The following RBFOX1 variants were observed in gnomAD, a reference collection of about 807,000 sequenced individuals.
The protein encoded by RBFOX1 is RNA binding fox-1 homolog 1.
Under a neutral mutation model 57.7 loss-of-function variants are expected in RBFOX1, and 8 were observed. The observed-to-expected ratio is 0.14, with a 90% CI of 0.08 to 0.25. The LOEUF is 0.25. Among genes scored for constraint, RBFOX1 ranks in the 10% least tolerant of loss-of-function variants. The pLI is 1.00. For missense variants in RBFOX1, 611 were observed against 548.5 expected, an observed-to-expected ratio of 1.11 and a Z score of -1.14; for synonymous variants, 326 against 222.4, an observed-to-expected ratio of 1.47 and a Z score of -4.15.
At chr16:6,785,757 C>T (rs1290287692) in intron 3 of RBFOX1, among the ~76,000 whole-genome samples, 1 of 152,164 alleles carries the variant, frequency 6.6e-6, no homozygotes, top group Non-Finnish European at 1.5e-5. Flanking sequence ...TTGTTATCAT[C>T]ATTTTCCAGA....
rs191388392 is a variant in RBFOX1 at position 5,315,589 on chromosome 16, C to G, written c.219+75484C>G. On this transcript the variant is annotated intron_variant, in intron 1 of 2. Transcript: ENST00000585867. ...GCAAAGAGGCAGGGGACAAGAATCA[C>G]AATTATGCCTGATGTTTGTGTAGCA... Among the ~76,000 whole-genome samples the G allele has an allele frequency of 5.6e-4, 85 of 152,294 alleles. 1 individual carries two copies. In the East Asian group the frequency reaches 0.014, roughly 25 times the overall value.
At chr16:6,373,642 TGG>T (rs1441235359) in intron 2 of RBFOX1, among the ~76,000 whole-genome samples, 1 of 151,986 alleles carries the variant, frequency 6.6e-6, no homozygotes, top group Non-Finnish European at 1.5e-5. Context: ...GATGATTGGG[TGG>T]AATGGAGATT....
intron 14 of RBFOX1, chr16:7,693,169 C>T: frequency 1.6e-6 from 1 of 642,184 alleles, no homozygotes; most frequent in Non-Finnish European, 2.8e-6. Context: ...TCTTTCTAAA[C>T]TCTGAGGTAC....
At chr16:7,544,398 A>C (rs1019095978) in intron 5 of RBFOX1, among the ~76,000 whole-genome samples, 3 of 152,196 alleles carry the variant, frequency 2.0e-5, no homozygotes, top group African/African-American at 7.2e-5. Context: ...AGGAGATCTC[A>C]TTTGAAAGTA....
At chr16:7,083,777 G>T (rs1214625136) in intron 4 of RBFOX1, among the ~76,000 whole-genome samples, 2 of 152,134 alleles carry the variant, frequency 1.3e-5, no homozygotes, top group Non-Finnish European at 2.9e-5. Context: ...ACCGTGCATG[G>T]GTCAGTTGTT....
chr16:7,390,818 G>A (rs532216387), intron 4 of RBFOX1, among the ~76,000 whole-genome samples: 1 of 152,096 alleles, frequency 6.6e-6, no homozygotes, highest in African/African-American at 2.4e-5. Context: ...GCTTAAGGGA[G>A]GACAGATTCC....
intron 1 of RBFOX1, among the ~76,000 whole-genome samples, chr16:5,465,752 A>G (rs1284443044): frequency 6.6e-6 from 1 of 152,244 alleles, no homozygotes; most frequent in Non-Finnish European, 1.5e-5. Flanking sequence ...TGGACCAGGC[A>G]TGCGTGGCCT....
intron 4 of RBFOX1, among the ~76,000 whole-genome samples, chr16:5,942,725 G>T (rs992893070): frequency 6.6e-6 from 1 of 152,160 alleles, no homozygotes; most frequent in African/African-American, 2.4e-5. Flanking sequence ...ACCAAGGGTA[G>T]TTTGTAGGTT....
intron 1 of RBFOX1, among the ~76,000 whole-genome samples, chr16:5,347,029 G>A (rs532308824): frequency 3.3e-5 from 5 of 151,846 alleles, no homozygotes; most frequent in African/African-American, 1.2e-4. Flanking sequence ...TACTTGGCTT[G>A]TTCCTGACTT....
At chr16:7,407,019 C>T (rs977293812) in intron 4 of RBFOX1, among the ~76,000 whole-genome samples, 1 of 152,120 alleles carries the variant, frequency 6.6e-6, no homozygotes, top group Admixed American at 6.5e-5. Flanking sequence ...CTGACTAACC[C>T]TAAGATAATC....
intron 4 of RBFOX1, among the ~76,000 whole-genome samples, chr16:5,890,030 C>T (rs1039077396): frequency 4.6e-5 from 7 of 152,152 alleles, no homozygotes; most frequent in South Asian, 2.1e-4. Context: ...ACATGACACA[C>T]GGGGTGTGTT....
chr16:7,284,479 C>G (rs892639797), intron 4 of RBFOX1, among the ~76,000 whole-genome samples: 7 of 151,854 alleles, frequency 4.6e-5, no homozygotes, highest in African/African-American at 1.5e-4. Flanking sequence ...CACAGGCACT[C>G]ACCACCACGC....
chr16:5,834,376 C>T (rs1156392028), intron 3 of RBFOX1, among the ~76,000 whole-genome samples: 1 of 152,148 alleles, frequency 6.6e-6, no homozygotes, highest in Admixed American at 6.5e-5. Context: ...TCCTGAGTTA[C>T]CTCACTTAGA....
At chr16:6,768,305 T>C (rs145579088) in intron 3 of RBFOX1, among the ~76,000 whole-genome samples, 1 of 152,090 alleles carries the variant, frequency 6.6e-6, no homozygotes, top group Non-Finnish European at 1.5e-5. Context: ...TTGTAATTTA[T>C]ATGACAATAA....
At chr16:6,258,748 A>G (rs1160766876) in intron 1 of RBFOX1, among the ~76,000 whole-genome samples, 1 of 152,184 alleles carries the variant, frequency 6.6e-6, no homozygotes, top group Admixed American at 6.5e-5. Context: ...TTTAAAAATA[A>G]CTAAGAGAGT....
intron 4 of RBFOX1, among the ~76,000 whole-genome samples, chr16:5,987,464 C>T (rs1440554754): frequency 7.9e-5 from 12 of 152,154 alleles, no homozygotes; most frequent in Admixed American, 7.9e-4. Flanking sequence ...CTAGATCCAT[C>T]ATTTTCTTTT....
At chr16:7,572,258 C>T (rs2092860026) in intron 5 of RBFOX1, among the ~76,000 whole-genome samples, 1 of 152,170 alleles carries the variant, frequency 6.6e-6, no homozygotes, top group South Asian at 2.1e-4. Context: ...GACAAGTATA[C>T]ATTTATCATT....
intron 3 of RBFOX1, among the ~76,000 whole-genome samples, chr16:6,849,402 C>G (rs1471545468): frequency 6.6e-6 from 1 of 152,146 alleles, no homozygotes; most frequent in Non-Finnish European, 1.5e-5. Context: ...GGTGTGGTGG[C>G]TCACACCTGT....
chr16:6,015,314 C>T (rs549599914), upstream of RBFOX1, among the ~76,000 whole-genome samples: 1 of 152,192 alleles, frequency 6.6e-6, no homozygotes, highest in Non-Finnish European at 1.5e-5. Context: ...TTTACACTGA[C>T]CTTCTGGAAA....
Sources: gnomAD v4.1 joint callset for allele counts (sites outside exome capture counted in the v4.1 genomes callset) on GRCh38, gnomAD v4.1.1 for gene constraint, MANE v1.5 for transcripts, NCBI Gene and HGNC (gene_info 2026-07-23, HGNC 2026-07-21) for gene names.